Variants in WDR81 observed in about 807,000 individuals in gnomAD.
WDR81 encodes WD repeat-containing protein 81.
WDR81 carries 92 observed loss-of-function variants against 140.8 expected under a neutral mutation model. That is an observed-to-expected ratio of 0.65 (90% CI 0.55 to 0.78). WDR81 has a LOEUF of 0.78. Ranked by LOEUF, WDR81 falls within the 30% of genes least tolerant of loss-of-function variation. The pLI is 0.00. For missense variants in WDR81, 2,502 were observed against 2,636.4 expected, an observed-to-expected ratio of 0.95 and a Z score of 1.12; for synonymous variants, 1,183 against 1,156.4, an observed-to-expected ratio of 1.02 and a Z score of -0.47.
chr17:1,736,113 T>A lies in WDR81; in HGVS notation c.5400T>A (p.Ser1800Arg). The change falls in exon 9 of 10, where the codon AGT becomes AGA. Residue 1800 changes from serine to arginine, a missense_variant. Physicochemically the swap from Ser to Arg is moderately radical, Grantham distance 110. This residue lies in a region of WDR81 where 1,737 missense variants were observed against 1,843.0 expected (regional missense o/e 0.94). Transcript: ENST00000409644. ...RALAISPSGRSVVAGFSSGFM... is the reference protein window; with the variant it reads ...RALAISPSGRRVVAGFSSGFM... The stretch of plus-strand genomic sequence containing the variant: ...TGGCCATCAGCCCCAGTGGCCGTAG[T>A]GTCGTGGCCGGCTTCTCCTCAGGCT... 1 of 1,602,748 alleles carries A rather than the reference T, an allele frequency of 6.2e-7. No individual in the cohort carries two copies. Among genetic ancestry groups the A allele is most frequent in the South Asian group, 1.1e-5 (1 of 91,086 alleles).
chr17:1,724,639 C>G (rs1915085379), upstream of WDR81: 2 of 1,018,402 alleles, frequency 2.0e-6, no homozygotes, highest in African/African-American at 3.4e-5. Context: ...GAAGCGGGGT[C>G]CCGCCCGGGC....
chr17:1,735,533 C>T lies in WDR81; in HGVS notation c.5180-39C>T, dbSNP rs146205209. 6.5e-7 allele frequency: 1 copy of T among 1,545,894 alleles called. No individual in the cohort carries two copies. The highest frequency in any genetic ancestry group is 8.7e-7 in the Non-Finnish European group (1 of 1,143,670). ...GAAGCTCCCAGGGCTCTTCCGTCAG[C>T]TGCTGGGACCCCAGATCCACTGTGA... On this transcript the variant is annotated intron_variant, in intron 7 of 9. Transcript: ENST00000409644. The surrounding 1 kb of genome is among the most constrained non-coding windows in gnomAD (Gnocchi z 4.2).
At position 1,724,864 on chromosome 17, in the gene WDR81, C is replaced by T; in HGVS notation, c.-96C>T. The T allele has an allele frequency of 8.0e-7, 1 of 1,245,832 alleles. No individual in the cohort carries two copies. Among genetic ancestry groups the T allele is most frequent in the African/African-American group, 1.6e-5 (1 of 64,238 alleles). 77.2% of individuals were successfully genotyped at this position (1,245,832 alleles called of 1,614,324 possible). On this transcript the variant is annotated 5_prime_UTR_variant, in exon 1 of 10. Coordinates refer to ENST00000409644, the MANE Select transcript of WDR81 (RefSeq NM_001163809.2). ...CTCCGCCCCAGCCCCTGTCCCGCGC[C>T]CATCCCAGCCCCGCCGGCCTGGCAC...
chr17:1,725,482 G>T lies in WDR81; in HGVS notation c.523G>T (p.Asp175Tyr). The T allele has an allele frequency of 6.5e-7, 1 of 1,548,346 alleles. No individual in the cohort carries two copies. Residue 175 changes from aspartate to tyrosine, a missense_variant, in exon 1 of 10, where the codon GAC (aspartate) becomes TAC (tyrosine). This residue lies in a region of WDR81 where 547 missense variants were observed against 513.8 expected (regional missense o/e 1.06). Coordinates refer to ENST00000409644, the MANE Select transcript of WDR81 (RefSeq NM_001163809.2). The stretch of plus-strand genomic sequence containing the variant: ...TGCCCCCTCAGCTGTCCCTGCCTTG[G>T]ACTCAGTACGGCAGGCTCTGCAGAG... ...SPAPSAVPAL[D>Y]SVRQALQRVY...
intron 6 of WDR81, 123 bp from the exon 7 acceptor site, chr17:1,733,404 T>G: frequency 2.2e-6 from 2 of 927,706 alleles, no homozygotes; most frequent in South Asian, 3.7e-5. Context: ...AGAGACAGAG[T>G]TACTTGCCCA....
chr17:1,738,022 G>A lies in WDR81; in HGVS notation c.*337G>A, dbSNP rs1201891096. 3 of 395,506 alleles carry A rather than the reference G, an allele frequency of 7.6e-6. No individual in the cohort carries two copies. The highest frequency in any genetic ancestry group is 4.0e-5 in the African/African-American group (2 of 49,610). 24.5% of individuals were successfully genotyped at this position (395,506 alleles called of 1,614,324 possible). A position where few individuals can be genotyped will look rare whatever the true frequency, so the allele number is the denominator to read the frequency against. ...CATGAGGACAGGGAAGCTCGGGAAG[G>A]GGAAGGGAGACTGGCCCTGCCCAGC... On this transcript the variant is annotated 3_prime_UTR_variant, in exon 10 of 10. Transcript: ENST00000409644.
Position 1,734,049 on chromosome 17 carries a change from C to G in WDR81, c.5012C>G (p.Thr1671Ser), listed in dbSNP as rs1255436214. ...TTCCTGAGCGGCAGCAAGGATCGTA[C>G]CGTGCGCCTCTGGCCGCTGTACAAC... is the stretch of plus-strand genomic sequence containing the variant. ...DFFLSGSKDR[T>S]VRLWPLYNYG... Residue 1671 changes from threonine to serine, a missense_variant, in exon 7 of 10, where the codon ACC becomes AGC. Coordinates refer to ENST00000409644, the MANE Select transcript of WDR81 (RefSeq NM_001163809.2). 2.5e-6 allele frequency: 4 copies of G among 1,609,366 alleles called. No homozygotes were observed.
chr17:1,737,348 C>T lies in WDR81; in HGVS notation c.5506-17C>T, dbSNP rs761595187. ...AAGGACCCAGGCTCCTGCTGAGGCTCTCCTCTCCCGGGACAGGCGGTGGAG... is the reference window on the plus strand; with the variant it reads ...AAGGACCCAGGCTCCTGCTGAGGCTTTCCTCTCCCGGGACAGGCGGTGGAG... On this transcript the variant is annotated splice_polypyrimidine_tract_variant and intron_variant, in intron 9 of 9. Transcript: ENST00000409644. 5 of 1,586,866 alleles carry T rather than the reference C, an allele frequency of 3.2e-6. No individual in the cohort carries two copies. The Admixed American group carries it at 6.9e-5, about 22-fold the overall frequency.
intron 1 of WDR81, among the ~76,000 whole-genome samples, chr17:1,730,003 A>AAAAGAAG (rs1555563756): frequency 3.4e-5 from 5 of 145,078 alleles, no homozygotes; most frequent in African/African-American, 1.0e-4. Context: ...AAAAAAAAAA[A>AAAAGAAG]AAGAAGAAGA....
chr17:1,735,584 G>A lies in WDR81; in HGVS notation c.5192G>A (p.Arg1731His), dbSNP rs147209934. The A allele has an allele frequency of 4.3e-5, 70 of 1,610,900 alleles. No individual in the cohort carries two copies. The highest frequency in any genetic ancestry group is 1.6e-4 in the East Asian group (7 of 44,868). Reference protein sequence around the residue: ...VWDPFTGKTLRTVEPLDSRVP... With the variant: ...VWDPFTGKTLHTVEPLDSRVP... ...CTTTCCTTCCCAGGGAAGACCCTTCGCACAGTGGAGCCGCTGGACAGCCGG... is the reference window on the plus strand; with the variant it reads ...CTTTCCTTCCCAGGGAAGACCCTTCACACAGTGGAGCCGCTGGACAGCCGG... The change falls in exon 8 of 10, where the codon CGC (arginine) becomes CAC (histidine). Residue 1731 changes from arginine to histidine, a missense_variant. By Grantham distance (29) the Arg-to-His change is conservative. This residue lies in a region of WDR81 where 1,737 missense variants were observed against 1,843.0 expected (regional missense o/e 0.94). Transcript: ENST00000409644. This position sits in a 1 kb window ranked among gnomAD's most constrained non-coding sequence, Gnocchi z 4.2.
chr17:1,734,225 G>C lies in WDR81; in HGVS notation c.5179+9G>C. 1.3e-6 allele frequency: 2 copies of C among 1,564,008 alleles called. No individual in the cohort carries two copies. The highest frequency in any genetic ancestry group is 1.7e-6 in the Non-Finnish European group (2 of 1,159,812). On this transcript the variant is annotated intron_variant, in intron 7 of 9. Coordinates refer to ENST00000409644, the MANE Select transcript of WDR81 (RefSeq NM_001163809.2). ...CTGGGACCCCTTCACAGGTGAGCGG[G>C]CCCAGGTGAGGCCTGTTCTCTTCCT...
chr17:1,726,090 C>A lies in WDR81; in HGVS notation c.1131C>A (p.Pro377=). ...NRLAGRRQGD[P]NYHPVLPWVV... is the part of the protein sequence containing the mutation. ...TGGCAGGTCGGCGGCAGGGGGACCC[C>A]AACTACCACCCCGTGCTGCCCTGGG... Residue 377 remains proline (P), a synonymous_variant, in exon 1 of 10, where the codon CCC becomes CCA. Coordinates refer to ENST00000409644, the MANE Select transcript of WDR81 (RefSeq NM_001163809.2). The A allele has an allele frequency of 6.5e-7, 1 of 1,547,800 alleles. No homozygotes were observed. Among genetic ancestry groups the A allele is most frequent in the Non-Finnish European group, 8.7e-7 (1 of 1,145,170 alleles).
At chr17:1,736,332 A>G in intron 9 of WDR81, 114 bp downstream of exon 9, 1 of 1,276,964 alleles carries the variant, frequency 7.8e-7, no homozygotes, top group Non-Finnish European at 1.1e-6. Context: ...TGTCTTATAT[A>G]CCTGGTCCAG....
chr17:1,719,169 G>A (rs185957382), intron 1 of WDR81, among the ~76,000 whole-genome samples: 110 of 152,282 alleles, frequency 7.2e-4, no homozygotes, highest in African/African-American at 2.1e-3. Context: ...ACTTGTTACC[G>A]ATAATTTCCC....
At chr17:1,732,551 C>G in intron 5 of WDR81, 61 bp downstream of exon 5, 1 of 1,590,316 alleles carries the variant, frequency 6.3e-7, no homozygotes, top group Non-Finnish European at 8.6e-7. Flanking sequence ...GGGTGACCCC[C>G]TGGGCATCTT....
chr17:1,725,838 G>A lies in WDR81; in HGVS notation c.879G>A (p.Glu293=). The change falls in exon 1 of 10, where the codon GAG becomes GAA. Residue 293 remains glutamate (E), a synonymous_variant. Transcript: ENST00000409644. ...ALSLYHIAVD[E]KLCSELRLDL... is the part of the protein sequence containing the mutation. ...CTTTGTATCACATCGCAGTGGATGAGAAGCTTTGCAGCGAGCTGCGACTGG... is the reference window on the plus strand; with the variant it reads ...CTTTGTATCACATCGCAGTGGATGAAAAGCTTTGCAGCGAGCTGCGACTGG... 2 of 1,550,744 alleles carry A rather than the reference G, an allele frequency of 1.3e-6. No individual in the cohort carries two copies. Among genetic ancestry groups the A allele is most frequent in the Non-Finnish European group, 1.7e-6 (2 of 1,146,922 alleles).
chr17:1,735,975 G>A lies in WDR81; in HGVS notation c.5326-64G>A. ...CCTGCTGTGTGGGCTTGGGTGGTGG[G>A]CAGGGCCTTGGGGAGTGTGAGATGG... is the stretch of plus-strand genomic sequence containing the variant. On this transcript the variant is annotated intron_variant, in intron 8 of 9. Transcript: ENST00000409644. The surrounding 1 kb of genome is among the most constrained non-coding windows in gnomAD (Gnocchi z 4.2). 6.5e-7 allele frequency: 1 copy of A among 1,531,730 alleles called. No homozygotes were observed. The highest frequency in any genetic ancestry group is 8.7e-7 in the Non-Finnish European group (1 of 1,143,372). The allele number at this position is 1,531,730 out of a possible 1,614,324, so 94.9% of individuals were successfully genotyped here.
chr17:1,730,218 T>C (rs530294756), intron 1 of WDR81, among the ~76,000 whole-genome samples, 162 bp from the exon 2 acceptor site: 1 of 149,064 alleles, frequency 6.7e-6, no homozygotes, highest in African/African-American at 2.5e-5. Flanking sequence ...TGGGCACCTC[T>C]GCCGCTGTTA....
rs762607878 is a variant in WDR81 at position 1,736,048 on chromosome 17, C to T, written c.5335C>T (p.Arg1779Ter). 13 of 1,597,240 alleles carry T rather than the reference C, an allele frequency of 8.1e-6. No individual in the cohort carries two copies. Among genetic ancestry groups the T allele is most frequent in the South Asian group, 3.3e-5 (3 of 90,816 alleles). ...CGCCCTCTCCCTGCAGCACGAGTTC[C>T]GACTGGGCGGTGGGCTGAACCCTGG... is the stretch of plus-strand genomic sequence containing the variant. ...CRKPGLQHEF[R>*]LGGGLNPGLV... The change falls in exon 9 of 10, where the codon CGA becomes TGA. Residue 1779 changes from arginine to a stop codon, truncating the protein, a stop_gained. Coordinates refer to ENST00000409644, the MANE Select transcript of WDR81 (RefSeq NM_001163809.2). LOFTEE classifies it high-confidence loss of function.
Sources: gnomAD v4.1 joint callset for allele counts (sites outside exome capture counted in the v4.1 genomes callset) on GRCh38, gnomAD v4.1.1 for gene constraint, gnomAD v4.1.1 regional missense constraint, Gnocchi (gnomAD v3.1) non-coding constraint, MANE v1.5 for transcripts, NCBI Gene and HGNC (gene_info 2026-07-23, HGNC 2026-07-21) for gene names.